The following DIP2C variants were observed in gnomAD, a reference collection of about 807,000 sequenced individuals.
The protein encoded by DIP2C is disco-interacting protein 2 homolog C.
In DIP2C, 33 loss-of-function variants were observed where a neutral mutation model predicts 192.4. That is an observed-to-expected ratio of 0.17 (90% confidence interval 0.13 to 0.23). The LOEUF (loss-of-function observed/expected upper bound fraction) is 0.23. Among genes scored for constraint, DIP2C ranks in the 10% least tolerant of loss-of-function variants. The pLI, the probability that DIP2C is intolerant of heterozygous loss-of-function variation, is 1.00. For synonymous variants in DIP2C, 979 were observed against 864.1 expected (o/e 1.13, Z -2.33); for missense variants, 1,537 against 2,110.1 (o/e 0.73, Z 5.32).
chr10:480,537 C>A (rs1414180356), intron 2 of DIP2C, among the ~76,000 whole-genome samples: 1 of 152,246 alleles, frequency 6.6e-6, no homozygotes, highest in Admixed American at 6.5e-5. Context: ...ATCTCACCAT[C>A]AGGACCGGGC....
At chr10:375,791 A>G (rs1961498424) in intron 17 of DIP2C, among the ~76,000 whole-genome samples, 1 of 152,208 alleles carries the variant, frequency 6.6e-6, no homozygotes, top group African/African-American at 2.4e-5. Context: ...GGCTTAACAG[A>G]GAGCCACACT....
chr10:406,769 C>T (rs888297819), intron 9 of DIP2C, among the ~76,000 whole-genome samples: 1 of 152,058 alleles, frequency 6.6e-6, no homozygotes, highest in Non-Finnish European at 1.5e-5. Context: ...GCCTCTGGCT[C>T]CAACAGTCTG....
At chr10:534,912 A>G (rs947282597) in intron 1 of DIP2C, among the ~76,000 whole-genome samples, 2 of 151,296 alleles carry the variant, frequency 1.3e-5, no homozygotes, top group Non-Finnish European at 2.9e-5. Flanking sequence ...TCCTGACCTC[A>G]TGATCCACCC....
intron 3 of DIP2C, among the ~76,000 whole-genome samples, chr10:449,865 TACAC>T (rs946291261): frequency 1.6e-3 from 212 of 136,458 alleles, no homozygotes; most frequent in African/African-American, 5.4e-3. Context: ...TAAAAACACA[TACAC>T]ACACACAACT....
chr10:672,027 G>A (rs1245402976), intron 1 of DIP2C, among the ~76,000 whole-genome samples: 640 of 112,216 alleles, frequency 5.7e-3, no homozygotes, highest in African/African-American at 0.023. Flanking sequence ...AGCCACAGAC[G>A]CACGGAAGGA....
intron 3 of DIP2C, among the ~76,000 whole-genome samples, chr10:451,856 GTTT>G (rs1564729763): frequency 6.6e-6 from 1 of 152,102 alleles, no homozygotes; most frequent in African/African-American, 2.4e-5. Flanking sequence ...AGAAATGCGG[GTTT>G]TTTTCCATAA....
chr10:506,353 G>T (rs1004412293), intron 1 of DIP2C, among the ~76,000 whole-genome samples: 1 of 152,188 alleles, frequency 6.6e-6, no homozygotes, highest in African/African-American at 2.4e-5. Context: ...CATGTCAGGG[G>T]TTGGGACAGC....
chr10:413,875 G>A (rs1471887719), intron 8 of DIP2C, 38 bp downstream of exon 8: 1 of 1,599,066 alleles, frequency 6.3e-7, no homozygotes, highest in South Asian at 1.1e-5. Context: ...GCTGTGCGAG[G>A]GGGTGGGCAA....
At chr10:593,786 C>T (rs1333477258) in intron 1 of DIP2C, among the ~76,000 whole-genome samples, 1 of 152,196 alleles carries the variant, frequency 6.6e-6, no homozygotes, top group Non-Finnish European at 1.5e-5. Context: ...TCCGTCTCCC[C>T]TCTGGACAGT....
At chr10:637,870 C>T (rs902012600) in intron 1 of DIP2C, among the ~76,000 whole-genome samples, 2 of 152,196 alleles carry the variant, frequency 1.3e-5, no homozygotes, top group Non-Finnish European at 2.9e-5. Flanking sequence ...TCTAAATCAC[C>T]GTCCTCTCCT....
intron 3 of DIP2C, among the ~76,000 whole-genome samples, chr10:471,132 A>T (rs1288530636): frequency 1.3e-5 from 2 of 152,174 alleles, no homozygotes; most frequent in African/African-American, 4.8e-5. Context: ...ATTCTCCTTC[A>T]TTCCATCCGC....
chr10:390,977 AC>A lies in DIP2C; in HGVS notation c.1261-115del, dbSNP rs199841759. On this transcript the variant is annotated intron_variant, in intron 10 of 36. Transcript: ENST00000280886. The stretch of plus-strand genomic sequence containing the variant: ...CTCGAGTCTGCAGAACCAGGATCCA[AC>A]CCCCAGCCCTGCTGCTTGGTATCTG... 4,593 of 1,452,304 alleles carry A rather than the reference AC, an allele frequency of 3.2e-3. 26 individuals carry two copies. The highest frequency in any genetic ancestry group is 0.015 in the Middle Eastern group (70 of 4,792). 90.0% of individuals were successfully genotyped at this position (1,452,304 alleles called of 1,614,324 possible).
intron 1 of DIP2C, among the ~76,000 whole-genome samples, chr10:635,928 C>T (rs971464562): frequency 2.6e-5 from 4 of 152,206 alleles, no homozygotes; most frequent in Non-Finnish European, 4.4e-5. Context: ...CTCTGACAGA[C>T]GATCATCGAG....
intron 1 of DIP2C, among the ~76,000 whole-genome samples, chr10:682,443 A>G (rs574073791): frequency 6.6e-6 from 1 of 152,220 alleles, no homozygotes. Flanking sequence ...TAAAACTACC[A>G]GCCAAACACC....
intron 29 of DIP2C, among the ~76,000 whole-genome samples, chr10:332,906 T>C (rs1957566703): frequency 6.6e-6 from 1 of 152,190 alleles, no homozygotes; most frequent in South Asian, 2.1e-4. Flanking sequence ...AAGCACTTTA[T>C]TATTTTTTAT....
At chr10:412,689 G>A (rs1276185684) in intron 8 of DIP2C, among the ~76,000 whole-genome samples, 1 of 152,136 alleles carries the variant, frequency 6.6e-6, no homozygotes, top group Non-Finnish European at 1.5e-5. Flanking sequence ...ACCCTGAAAG[G>A]CTAGGGTCTG....
At chr10:349,004 G>T (rs1958657410) in intron 25 of DIP2C, among the ~76,000 whole-genome samples, 1 of 152,182 alleles carries the variant, frequency 6.6e-6, no homozygotes, top group South Asian at 2.1e-4. Context: ...TTTTGCTAAG[G>T]AATTACCCAC....
At chr10:635,119 C>T (rs1403204954) in intron 1 of DIP2C, among the ~76,000 whole-genome samples, 1 of 152,218 alleles carries the variant, frequency 6.6e-6, no homozygotes, top group African/African-American at 2.4e-5. Flanking sequence ...ACACACCCCA[C>T]CCTCCAATCC....
At chr10:545,166 C>CCTTTGTTTTTTTTTTTTT (rs1554896881) in intron 1 of DIP2C, among the ~76,000 whole-genome samples, 1 of 86,336 alleles carries the variant, frequency 1.2e-5, no homozygotes, top group African/African-American at 5.7e-5. Context: ...GGTGTTTTCC[C>CCTTTGTTTTTTTTTTTTT]TTTTTTTTTT....
Sources: gnomAD v4.1 joint callset for allele counts (sites outside exome capture counted in the v4.1 genomes callset) on GRCh38, gnomAD v4.1.1 for gene constraint, MANE v1.5 for transcripts, NCBI Gene and HGNC (gene_info 2026-07-23, HGNC 2026-07-21) for gene names.